MAP3K1: variants seen among roughly 807,000 people sequenced by gnomAD.
MAP3K1 encodes the protein mitogen-activated protein kinase kinase kinase 1.
MAP3K1 carries 36 observed loss-of-function variants against 144.2 expected under a neutral mutation model. That is an observed-to-expected ratio of 0.25 (90% CI 0.19 to 0.33). MAP3K1 has a LOEUF of 0.33. Among genes scored for constraint, MAP3K1 ranks in the 10% least tolerant of loss-of-function variants. MAP3K1 has a pLI of 1.00. For synonymous variants in MAP3K1, 718 were observed against 688.7 expected (o/e 1.04, Z -0.67); for missense variants, 1,650 against 1,881.9 (o/e 0.88, Z 2.28).
intron 15 of MAP3K1, among the ~76,000 whole-genome samples, chr5:56,884,117 C>G (rs1748306931): frequency 6.6e-6 from 1 of 152,088 alleles, no homozygotes; most frequent in Non-Finnish European, 1.5e-5. Flanking sequence ...CCACTGTACT[C>G]CAGCCTGAGC....
At chr5:56,884,969 C>T (rs1223829076) in intron 16 of MAP3K1, 143 bp downstream of exon 16, 1 of 674,376 alleles carries the variant, frequency 1.5e-6, no homozygotes, top group Non-Finnish European at 2.5e-6. Context: ...TTAGTATGAA[C>T]CACAAATACT....
chr5:56,862,005 A>G (rs1289947682), intron 3 of MAP3K1: 4 of 152,210 alleles, frequency 2.6e-5, no homozygotes, highest in African/African-American at 9.7e-5. Flanking sequence ...TGTTGGCTCT[A>G]TGTTAAAATA....
intron 1 of MAP3K1, among the ~76,000 whole-genome samples, chr5:56,852,310 G>A (rs1232574629): frequency 1.3e-5 from 2 of 152,132 alleles, no homozygotes; most frequent in Non-Finnish European, 2.9e-5. Context: ...ATCAACAGTG[G>A]CTGACACCAC....
intron 1 of MAP3K1, among the ~76,000 whole-genome samples, chr5:56,828,091 A>G (rs1229577148): frequency 2.0e-5 from 3 of 152,224 alleles, no homozygotes; most frequent in Non-Finnish European, 2.9e-5. Context: ...ACCTTTTAGA[A>G]TGAGGTTAAG....
chr5:56,890,464 C>T (rs1373871234), intron 19 of MAP3K1, among the ~76,000 whole-genome samples: 1 of 152,056 alleles, frequency 6.6e-6, no homozygotes, highest in East Asian at 1.9e-4. Flanking sequence ...ACTTCCATAC[C>T]CTGTTTATGG....
At chr5:56,870,674 A>G (rs1032604709) in intron 6 of MAP3K1, among the ~76,000 whole-genome samples, 13 of 152,128 alleles carry the variant, frequency 8.5e-5, no homozygotes, top group African/African-American at 2.9e-4. Flanking sequence ...TTTACTTTAT[A>G]TATCAAGAAT....
chr5:56,886,148 A>C (rs1748372664), intron 17 of MAP3K1, 85 bp downstream of exon 17: 21 of 1,102,314 alleles, frequency 1.9e-5, no homozygotes, highest in Non-Finnish European at 2.7e-5. Context: ...TCACACCTGT[A>C]ATCCCAGTAC....
intron 1 of MAP3K1, among the ~76,000 whole-genome samples, chr5:56,824,857 AT>A (rs1275519931): frequency 6.6e-6 from 1 of 152,132 alleles, no homozygotes; most frequent in Non-Finnish European, 1.5e-5. Flanking sequence ...GACCTGAGTC[AT>A]TTTATACCTT....
intron 1 of MAP3K1, among the ~76,000 whole-genome samples, chr5:56,830,052 C>G (rs1329092581): frequency 1.3e-5 from 2 of 152,264 alleles, no homozygotes; most frequent in East Asian, 3.9e-4. Context: ...TTTTTCTTCT[C>G]CCTCTTACTT....
chr5:56,896,093 T>C lies in MAP3K1; in HGVS notation c.*2413T>C, dbSNP rs905062604. Reference sequence around the variant, plus strand: ...TTTTTACCCCATTGAACCGATTTTATAGTATTTGTACCTATTTTGGTGTTT... The same window carrying C: ...TTTTTACCCCATTGAACCGATTTTACAGTATTTGTACCTATTTTGGTGTTT... On this transcript the variant is annotated 3_prime_UTR_variant, in exon 20 of 20. Coordinates refer to ENST00000399503, the MANE Select transcript of MAP3K1 (RefSeq NM_005921.2). 7 of 227,522 alleles carry C rather than the reference T, an allele frequency of 3.1e-5. No homozygotes were observed. The highest frequency in any genetic ancestry group is 6.1e-5 in the Non-Finnish European group (7 of 114,720). The allele number at this position is 227,522 out of a possible 1,614,324, so 14.1% of individuals were successfully genotyped here. A position where few individuals can be genotyped will look rare whatever the true frequency, so the allele number is the denominator to read the frequency against.
At position 56,881,725 on chromosome 5, in the gene MAP3K1, G is replaced by C; in HGVS notation, c.2525G>C (p.Ser842Thr). Residue 842 changes from serine to threonine, a missense_variant, in exon 14 of 20, where the codon AGT becomes ACT. Physicochemically the swap from Ser to Thr is moderately conservative, Grantham distance 58 (BLOSUM62 1). This residue lies in a region of MAP3K1 where 841 missense variants were observed against 886.5 expected (regional missense o/e 0.95). Coordinates refer to ENST00000399503, the MANE Select transcript of MAP3K1 (RefSeq NM_005921.2). Reference protein sequence around the residue: ...HVFSKLLEMLSVSSSTHFTRM... With the variant: ...HVFSKLLEMLTVSSSTHFTRM... The stretch of plus-strand genomic sequence containing the variant: ...TTTTCAAAACTGTTAGAAATGCTGA[G>C]TGTTTCCAGTTCCACTCACTTCACC... The C allele has an allele frequency of 6.2e-7, 1 of 1,614,128 alleles. No individual in the cohort carries two copies. Among genetic ancestry groups the C allele is most frequent in the Non-Finnish European group, 8.5e-7 (1 of 1,180,022 alleles).
chr5:56,835,280 T>TAGGAGACAGGAAGGCAGGGAAG (rs1230385823), intron 1 of MAP3K1, among the ~76,000 whole-genome samples: 4 of 150,990 alleles, frequency 2.6e-5, no homozygotes, highest in African/African-American at 9.8e-5. Flanking sequence ...CACTGCAGGT[T>TAGGAGACAGGAAGGCAGGGAAG]AGGAGACAGG....
chr5:56,865,710 C>T, intron 5 of MAP3K1, 119 bp from the exon 6 acceptor site: 1 of 1,018,496 alleles, frequency 9.8e-7, no homozygotes. Context: ...ATTTTTGAAG[C>T]TCTTAAATCA....
At chr5:56,869,086 CAAAAA>C (rs772978664) in intron 6 of MAP3K1, among the ~76,000 whole-genome samples, 1 of 139,494 alleles carries the variant, frequency 7.2e-6, no homozygotes, top group African/African-American at 2.6e-5. Flanking sequence ...CTGTCTGTAC[CAAAAA>C]AAAAAAAGAG....
In MAP3K1 at chr5:56,815,618, G is replaced by A. The variant is rs192120973; in HGVS notation, c.45G>A (p.Pro15=). 3.9e-3 allele frequency: 5,147 copies of A among 1,311,048 alleles called. 184 individuals are homozygous for A. The African/African-American group carries it at 0.073, about 19-fold the overall frequency. The allele number at this position is 1,311,048 out of a possible 1,614,324, so 81.2% of individuals were successfully genotyped here. ...ATCGCGCCTCGTCGTCGGGATTCCCGGGCGCCAGGGCTACGAGCCCTGAGG... is the reference window on the plus strand; with the variant it reads ...ATCGCGCCTCGTCGTCGGGATTCCCAGGCGCCAGGGCTACGAGCCCTGAGG... ...AGNRASSSGF[P]GARATSPEAG... The change falls in exon 1 of 20, where the codon CCG becomes CCA. Residue 15 remains proline (P), a synonymous_variant. Coordinates refer to ENST00000399503, the MANE Select transcript of MAP3K1 (RefSeq NM_005921.2).
At position 56,815,941 on chromosome 5, in the gene MAP3K1, A is replaced by C. The variant is rs1298036204; in HGVS notation, c.368A>C (p.His123Pro). 3 of 1,259,834 alleles carry C rather than the reference A, an allele frequency of 2.4e-6. No individual in the cohort carries two copies. Among genetic ancestry groups the C allele is most frequent in the Non-Finnish European group, 3.0e-6 (3 of 1,004,466 alleles). The allele number at this position is 1,259,834 out of a possible 1,614,324, so 78.0% of individuals were successfully genotyped here. The change falls in exon 1 of 20, where the codon CAC becomes CCC. Residue 123 changes from histidine to proline, a missense_variant. Coordinates refer to ENST00000399503, the MANE Select transcript of MAP3K1 (RefSeq NM_005921.2). ...PHGAASRGGA[H>P]LTESVAAPDS... The stretch of plus-strand genomic sequence containing the variant: ...GGAGCCGCGAGCCGCGGCGGCGCCC[A>C]CCTTACCGAGTCGGTGGCGGCGCCG...
In MAP3K1 at chr5:56,859,710, T is replaced by C. The variant is rs1346014926; in HGVS notation, c.634-5T>C. The C allele has an allele frequency of 6.2e-7, 1 of 1,609,526 alleles. No individual in the cohort carries two copies. Among genetic ancestry groups the C allele is most frequent in the South Asian group, 1.1e-5 (1 of 90,936 alleles). ...TAATCAAAATATTGGAATACTTTGA[T>C]TCAGGTGGTAAAACCAATCCCAGTT... On this transcript the variant is annotated splice_polypyrimidine_tract_variant and splice_region_variant and intron_variant, in intron 2 of 19. Transcript: ENST00000399503.
At chr5:56,892,662 T>C (rs977225968) in intron 19 of MAP3K1, among the ~76,000 whole-genome samples, 1 of 152,138 alleles carries the variant, frequency 6.6e-6, no homozygotes, top group Non-Finnish European at 1.5e-5. Flanking sequence ...TGTGGAAGTT[T>C]ACCTTCAGCA....
chr5:56,888,858 C>G (rs916416081), intron 19 of MAP3K1, among the ~76,000 whole-genome samples: 6 of 152,164 alleles, frequency 3.9e-5, no homozygotes, highest in Admixed American at 6.5e-5. Context: ...ACGACATAAC[C>G]TCAGCGTAAG....
Sources: allele counts gnomAD v4.1 joint callset (sites outside exome capture counted in the v4.1 genomes callset), GRCh38; gene constraint gnomAD v4.1.1; regional missense constraint gnomAD v4.1.1; transcripts MANE v1.5; gene names NCBI Gene and HGNC (gene_info 2026-07-23, HGNC 2026-07-21).